SLC38A5: variants seen among roughly 807,000 people sequenced by gnomAD.
The protein encoded by SLC38A5 is sodium-coupled neutral amino acid transporter 5.
SLC38A5 carries 9 observed loss-of-function variants against 34.6 expected under a neutral mutation model. That is an observed-to-expected ratio of 0.26 (90% CI 0.16 to 0.45). SLC38A5 has a LOEUF of 0.45. SLC38A5 is among the 20% of genes least tolerant of loss of function. The pLI is 1.00. For synonymous variants in SLC38A5, 157 were observed against 155.6 expected, an observed-to-expected ratio of 1.01 and a Z score of -0.07; for missense variants, 253 against 394.7, an observed-to-expected ratio of 0.64 and a Z score of 3.04.
intron 2 of SLC38A5, chrX:48,468,667 G>C (rs1177290208): frequency 5.2e-6 from 1 of 191,127 alleles, no homozygotes; most frequent in Admixed American, 9.4e-5. Context: ...ACTCCCATTT[G>C]ACCCCAATTC....
chrX:48,466,903 C>T (rs782816125), intron 5 of SLC38A5, 31 bp from the exon 6 acceptor site: 1 of 1,203,200 alleles, frequency 8.3e-7, no homozygotes, highest in Non-Finnish European at 1.1e-6. Flanking sequence ...CAGACCTGGC[C>T]CCAGGCCTCC....
chrX:48,459,710 G>A (rs1569468662), intron 15 of SLC38A5, 22 bp downstream of exon 15: 9 of 1,205,770 alleles, frequency 7.5e-6, no homozygotes, highest in Admixed American at 4.4e-5. Flanking sequence ...TGGGGTATGG[G>A]ACTGGGGTGA....
At chrX:48,469,301 C>G (rs1556964450) in intron 2 of SLC38A5, 34 bp downstream of exon 2, 1 of 110,893 alleles carries the variant, frequency 9.0e-6, no homozygotes, top group Non-Finnish European at 1.9e-5. Flanking sequence ...CCCAGGAACA[C>G]CATCCCCGCA....
chrX:48,465,867 G>A (rs1217372787), intron 8 of SLC38A5, 148 bp downstream of exon 8: 1 of 452,366 alleles, frequency 2.2e-6, no homozygotes, highest in Non-Finnish European at 3.7e-6. Flanking sequence ...GGCACACAGA[G>A]GAATCAGTCT....
intron 8 of SLC38A5, among the ~76,000 whole-genome samples, chrX:48,465,045 G>A (rs2061466039): frequency 9.0e-6 from 1 of 110,991 alleles, no homozygotes; most frequent in Admixed American, 9.6e-5. Flanking sequence ...CATGGGACCA[G>A]AGGCAGAGTT....
intron 2 of SLC38A5, 92 bp from the exon 3 acceptor site, chrX:48,468,017 T>C (rs1042803841): frequency 4.6e-6 from 4 of 872,262 alleles, no homozygotes; most frequent in African/African-American, 2.1e-5. Flanking sequence ...GGGAGTCCCA[T>C]AGAGACCGAT....
chrX:48,467,619 A>C, intron 4 of SLC38A5, 91 bp downstream of exon 4: 1 of 907,693 alleles, frequency 1.1e-6, no homozygotes, highest in South Asian at 2.2e-5. Flanking sequence ...GGGGAACAGC[A>C]GGGAGGAGGA....
intron 13 of SLC38A5, 58 bp from the exon 14 acceptor site, chrX:48,460,822 T>C: frequency 1.8e-6 from 2 of 1,112,979 alleles, no homozygotes; most frequent in South Asian, 1.9e-5. Flanking sequence ...CCAGGACCAA[T>C]GCCCCAGAAA....
chrX:48,458,676 T>TCCG lies in SLC38A5; in HGVS notation c.*256_*257insCGG. ...GGACCTGGCCTCCTCCTCCTCCTCC[T>TCCG]CCTCCTCCTCCTCCTCCTCTTCTTC... On this transcript the variant is annotated 3_prime_UTR_variant, in exon 17 of 17. Coordinates refer to ENST00000620913, the MANE Select transcript of SLC38A5 (RefSeq NM_033518.4). The TCCG allele has an allele frequency of 1.0e-6, 1 of 975,644 alleles. No individual in the cohort carries two copies. Among genetic ancestry groups the TCCG allele is most frequent in the African/African-American group, 2.0e-5 (1 of 49,431 alleles). The allele number at this position is 975,644 out of a possible 1,213,427, so 80.4% of individuals were successfully genotyped here.
chrX:48,467,745 GACC>G lies in SLC38A5; in HGVS notation c.91_93del (p.Gly31del). Reference sequence around the variant, plus strand: ...TGGACCGGCTTGCTCCCAGGAGCAGGACCACGACTGGGCAGGAAGCCCTCACGT... The same window carrying G: ...TGGACCGGCTTGCTCCCAGGAGCAGGACGACTGGGCAGGAAGCCCTCACGT... On this transcript the variant is annotated inframe_deletion, in exon 4 of 17. Coordinates refer to ENST00000620913, the MANE Select transcript of SLC38A5 (RefSeq NM_033518.4). 6 of 1,208,580 alleles carry G rather than the reference GACC, an allele frequency of 5.0e-6. No individual in the cohort carries two copies. The highest frequency in any genetic ancestry group is 6.7e-6 in the Non-Finnish European group (6 of 894,093).
In SLC38A5 at chrX:48,458,949, C is replaced by T. The variant is rs868948852; in HGVS notation, c.1403G>A (p.Arg468His). ...AGGGCCTGATCAGTGTCCAGACATGCGGCTCTGGCCTGTGGCCCAGTTGGC... is the reference window on the plus strand; with the variant it reads ...AGGGCCTGATCAGTGTCCAGACATGTGGCTCTGGCCTGTGGCCCAGTTGGC... ...MFANWATGQS[R>H]MSGH Residue 468 changes from arginine (R) to histidine (H), a missense_variant, in exon 17 of 17, where the codon CGC (arginine) becomes CAC (histidine). Coordinates refer to ENST00000620913, the MANE Select transcript of SLC38A5 (RefSeq NM_033518.4). 4 of 1,185,012 alleles carry T rather than the reference C, an allele frequency of 3.4e-6. No homozygotes were observed. Among genetic ancestry groups the T allele is most frequent in the African/African-American group, 3.5e-5 (2 of 57,045 alleles).
At chrX:48,466,425 G>A in intron 6 of SLC38A5, 103 bp from the exon 7 acceptor site, 2 of 810,791 alleles carry the variant, frequency 2.5e-6, no homozygotes, top group Non-Finnish European at 3.6e-6. Context: ...GGGGGAACCG[G>A]CTTTGACTGA....
chrX:48,464,361 GT>G (rs781813906), intron 8 of SLC38A5, among the ~76,000 whole-genome samples: 14 of 112,618 alleles, frequency 1.2e-4, no homozygotes, highest in Non-Finnish European at 2.1e-4. Flanking sequence ...CTCATATACA[GT>G]TACACAGAAA....
Position 48,461,801 on chromosome X carries a change from G to A in SLC38A5, c.772-4C>T, listed in dbSNP as rs375827637. Reference sequence around the variant, plus strand: ...TAATGGGCACTGTGTAGGACATCTAGGGGAATGCCCGAGTACATGGGATTA... The same window carrying A: ...TAATGGGCACTGTGTAGGACATCTAAGGGAATGCCCGAGTACATGGGATTA... On this transcript the variant is annotated splice_polypyrimidine_tract_variant and splice_region_variant and intron_variant, in intron 11 of 16. Transcript: ENST00000620913. 5.6e-5 allele frequency: 67 copies of A among 1,205,962 alleles called. No homozygotes were observed. Among genetic ancestry groups the A allele is most frequent in the Non-Finnish European group, 7.3e-5 (65 of 892,819 alleles).
At chrX:48,463,791 GAAGA>G (rs1331927161) in intron 8 of SLC38A5, among the ~76,000 whole-genome samples, 1 of 67,047 alleles carries the variant, frequency 1.5e-5, no homozygotes, top group Non-Finnish European at 3.0e-5. Context: ...AAAAAAAAAG[GAAGA>G]AAGAAAGAAA....
chrX:48,460,026 T>C (rs1240708995), intron 14 of SLC38A5, 150 bp from the exon 15 acceptor site: 1 of 761,092 alleles, frequency 1.3e-6, no homozygotes, highest in Non-Finnish European at 1.8e-6. Flanking sequence ...TAACCCAACA[T>C]CTGTGTCTCT....
chrX:48,467,966 C>T (rs782476544), intron 2 of SLC38A5, 41 bp from the exon 3 acceptor site: 47 of 1,162,054 alleles, frequency 4.0e-5, no homozygotes, highest in Non-Finnish European at 5.0e-5. Context: ...AGAGATGGAA[C>T]GAGCATGCTT....
intron 6 of SLC38A5, 142 bp from the exon 7 acceptor site, chrX:48,466,464 T>C (rs1161329148): frequency 3.4e-6 from 2 of 581,699 alleles, no homozygotes; most frequent in Non-Finnish European, 5.5e-6. Flanking sequence ...GTTAAGCAGT[T>C]GGGCTTGAGT....
Position 48,466,023 on chromosome X carries a change from G to A in SLC38A5, c.483C>T (p.Asp161=). Residue 161 remains aspartate, a synonymous_variant, in exon 8 of 17, where the codon GAC becomes GAT. Coordinates refer to ENST00000620913, the MANE Select transcript of SLC38A5 (RefSeq NM_033518.4). The part of the protein sequence containing the change: ...PLVIGTFLYM[D]PEGDWFLKGN... ...GGGTGTTGCTCACTCACCCCTCGGG[G>A]TCCATGTACAGGAAGGTGCCGATAA... 1 of 1,196,552 alleles carries A rather than the reference G, an allele frequency of 8.4e-7. No individual in the cohort carries two copies. The highest frequency in any genetic ancestry group is 1.1e-6 in the Non-Finnish European group (1 of 887,545).
Sources: gnomAD v4.1 joint callset for allele counts (sites outside exome capture counted in the v4.1 genomes callset) on GRCh38, gnomAD v4.1.1 for gene constraint, MANE v1.5 for transcripts, NCBI Gene and HGNC (gene_info 2026-07-23, HGNC 2026-07-21) for gene names.